The following SKAP2 variants were observed in gnomAD, a reference collection of about 807,000 sequenced individuals.
SKAP2 encodes the protein src kinase associated phosphoprotein 2, also known as src kinase-associated phosphoprotein 2.
In SKAP2, 28 loss-of-function variants were observed where a neutral mutation model predicts 54.9. The observed-to-expected ratio is 0.51, with a 90% CI of 0.38 to 0.70. The LOEUF is 0.70. SKAP2 is among the 30% of genes least tolerant of loss of function. The pLI is 0.00. For synonymous variants in SKAP2, 137 were observed against 134.3 expected, an observed-to-expected ratio of 1.02 and a Z score of -0.14; for missense variants, 356 against 424.1, an observed-to-expected ratio of 0.84 and a Z score of 1.41.
chr7:26,776,636 C>CTCCT, intron 4 of SKAP2, among the ~76,000 whole-genome samples: 1 of 152,288 alleles, frequency 6.6e-6, no homozygotes, highest in Non-Finnish European at 1.5e-5. Context: ...CCTCCTCTTA[C>CTCCT]TCCTCACTAC....
At chr7:26,825,455 T>C (rs1784469692) in intron 4 of SKAP2, among the ~76,000 whole-genome samples, 1 of 152,076 alleles carries the variant, frequency 6.6e-6, no homozygotes, top group African/African-American at 2.4e-5. Context: ...TTCTAATCTA[T>C]ACAATTGTAC....
At chr7:26,664,903 C>A (rs974196355), downstream of SKAP2, among the ~76,000 whole-genome samples, 1 of 152,030 alleles carries the variant, frequency 6.6e-6, no homozygotes, top group Non-Finnish European at 1.5e-5. Context: ...CACTGAAGAC[C>A]TAAACTGAGC....
At chr7:26,775,324 CCTGA>C (rs1452641952) in intron 4 of SKAP2, among the ~76,000 whole-genome samples, 1 of 152,092 alleles carries the variant, frequency 6.6e-6, no homozygotes, top group Non-Finnish European at 1.5e-5. Context: ...CCCTTCACTA[CCTGA>C]CTTTTAAATT....
At chr7:26,729,948 ATTGT>A in intron 6 of SKAP2, among the ~76,000 whole-genome samples, 1 of 152,314 alleles carries the variant, frequency 6.6e-6, no homozygotes, top group East Asian at 1.9e-4. Context: ...TATCCAACTG[ATTGT>A]TTGTATTTGA....
At chr7:26,686,328 C>CT (rs1786639131) in intron 10 of SKAP2, among the ~76,000 whole-genome samples, 1 of 151,830 alleles carries the variant, frequency 6.6e-6, no homozygotes, top group African/African-American at 2.4e-5. Context: ...AAACAAGGGA[C>CT]AATGGGAGTG....
chr7:26,803,072 G>C (rs964593494), intron 4 of SKAP2, among the ~76,000 whole-genome samples: 16 of 152,104 alleles, frequency 1.1e-4, no homozygotes, highest in South Asian at 2.1e-4. Flanking sequence ...AAGACTTCTT[G>C]AGCAAAACCC....
intron 4 of SKAP2, among the ~76,000 whole-genome samples, chr7:26,790,861 T>C (rs905364335): frequency 6.6e-6 from 1 of 152,188 alleles, no homozygotes; most frequent in African/African-American, 2.4e-5. Context: ...TCATACTATA[T>C]AAAAAGTCTT....
chr7:26,728,747 T>A (rs528230128), intron 6 of SKAP2, among the ~76,000 whole-genome samples: 1 of 152,050 alleles, frequency 6.6e-6, no homozygotes, highest in Non-Finnish European at 1.5e-5. Flanking sequence ...AAAGTGGAAG[T>A]AATGTGAGGC....
In SKAP2 at chr7:26,804,800, A is replaced by C. The variant is rs1783992831; in HGVS notation, c.307+39230T>G. Among the ~76,000 whole-genome samples, 3 of 152,146 alleles carry C rather than the reference A, an allele frequency of 2.0e-5. No homozygotes were observed. The South Asian group carries it at 6.2e-4, about 31-fold the overall frequency. On this transcript the variant is annotated intron_variant, in intron 4 of 12. Coordinates refer to ENST00000345317, the MANE Select transcript of SKAP2 (RefSeq NM_003930.5). ...GAATAAATAAAAAGGCAATTTATTA[A>C]AAATGCAAATAATGAATAAAATATT...
At chr7:26,655,627 A>G in the SKAP2 span, among the ~76,000 whole-genome samples, 1 of 152,290 alleles carries the variant, frequency 6.6e-6, no homozygotes, top group African/African-American at 2.4e-5. Flanking sequence ...ACTGGTTTCT[A>G]TGTGGTTATA....
chr7:26,774,916 T>C (rs547652104), intron 4 of SKAP2, among the ~76,000 whole-genome samples: 2 of 152,286 alleles, frequency 1.3e-5, no homozygotes, highest in South Asian at 4.1e-4. Flanking sequence ...CTGTCTGTGG[T>C]AGGTAAATGG....
intron 4 of SKAP2, among the ~76,000 whole-genome samples, chr7:26,836,062 T>C (rs940994653): frequency 6.6e-6 from 1 of 152,158 alleles, no homozygotes; most frequent in Non-Finnish European, 1.5e-5. Context: ...ATCTGATCTT[T>C]GACAAACCTG....
At chr7:26,840,569 T>C (rs752316884) in intron 4 of SKAP2, among the ~76,000 whole-genome samples, 37 of 152,086 alleles carry the variant, frequency 2.4e-4, no homozygotes, top group Non-Finnish European at 3.5e-4. Flanking sequence ...AGGTTGTAAA[T>C]CTCATTATCT....
chr7:26,719,686 GC>G (rs1787535927), intron 9 of SKAP2, among the ~76,000 whole-genome samples: 1 of 152,160 alleles, frequency 6.6e-6, no homozygotes, highest in Non-Finnish European at 1.5e-5. Context: ...TTCCTGGCTT[GC>G]TCATTTCTAC....
At chr7:26,779,927 T>A (rs1488879659) in intron 4 of SKAP2, among the ~76,000 whole-genome samples, 2 of 152,084 alleles carry the variant, frequency 1.3e-5, no homozygotes, top group African/African-American at 4.8e-5. Flanking sequence ...TAAGCTCTTA[T>A]GTACAAACAT....
intron 9 of SKAP2, among the ~76,000 whole-genome samples, chr7:26,696,554 C>T (rs993799822): frequency 2.1e-4 from 32 of 152,202 alleles, no homozygotes; most frequent in African/African-American, 7.7e-4. Context: ...AAGTTTATTA[C>T]CTTAGGAACT....
chr7:26,802,124 A>G (rs1363771470), intron 4 of SKAP2, among the ~76,000 whole-genome samples: 1 of 152,228 alleles, frequency 6.6e-6, no homozygotes, highest in African/African-American at 2.4e-5. Flanking sequence ...TATAGTTATC[A>G]AAACAGCATG....
At chr7:26,854,045 C>T in intron 3 of SKAP2, 92 bp downstream of exon 3, 1 of 804,166 alleles carries the variant, frequency 1.2e-6, no homozygotes, top group Non-Finnish European at 2.0e-6. Context: ...ATTTTAATTC[C>T]AACTATCAAA....
chr7:26,805,595 T>C (rs1056313815), intron 4 of SKAP2, among the ~76,000 whole-genome samples: 2 of 152,184 alleles, frequency 1.3e-5, no homozygotes, highest in Non-Finnish European at 2.9e-5. Context: ...GAAAAACTCA[T>C]GTGAAAAGGG....
Sources: allele counts gnomAD v4.1 joint callset (sites outside exome capture counted in the v4.1 genomes callset), GRCh38; gene constraint gnomAD v4.1.1; transcripts MANE v1.5; gene names NCBI Gene and HGNC (gene_info 2026-07-23, HGNC 2026-07-21).